The following HIP1 variants were observed in gnomAD, a reference collection of about 807,000 sequenced individuals.
The protein encoded by HIP1 is huntingtin interacting protein 1, also known as huntingtin-interacting protein 1.
Under a neutral mutation model 147.6 loss-of-function variants are expected in HIP1, and 65 were observed. The observed-to-expected ratio is 0.44, with a 90% CI of 0.36 to 0.54. The LOEUF is 0.54. Among genes scored for constraint, HIP1 ranks in the 20% least tolerant of loss-of-function variants. The pLI, the probability that HIP1 is intolerant of heterozygous loss-of-function variation, is 0.00. For synonymous variants in HIP1, 479 were observed against 504.0 expected (o/e 0.95, Z 0.67); for missense variants, 1,061 against 1,299.6 (o/e 0.82, Z 2.82).
At position 75,664,017 on chromosome 7, in the gene HIP1, CACATATAT is replaced by C. The variant is rs1799424130; in HGVS notation, c.121-64778_121-64771del. On this transcript the variant is annotated intron_variant, in intron 1 of 30. Transcript: ENST00000336926. ...ATACACATATATGTGTATATATATA[CACATATAT>C]GTGTATATATATACACATATATGTG... Among the ~76,000 whole-genome samples the C allele has an allele frequency of 7.0e-5, 5 of 71,502 alleles. 2 individuals carry two copies. Among genetic ancestry groups the C allele is most frequent in the African/African-American group, 1.7e-4 (3 of 17,938 alleles). The allele number at this position is 71,502 out of a possible 152,430, so 46.9% of individuals were successfully genotyped here. A position where few individuals can be genotyped will look rare whatever the true frequency, so the allele number is the denominator to read the frequency against.
intron 21 of HIP1, among the ~76,000 whole-genome samples, 157 bp from the exon 22 acceptor site, chr7:75,553,746 C>T (rs982307982): frequency 3.3e-5 from 5 of 152,180 alleles, no homozygotes; most frequent in African/African-American, 9.7e-5. Flanking sequence ...GCTGGGATTA[C>T]GGGTGCGCCA....
chr7:75,588,498 G>C (rs970574290), intron 4 of HIP1, among the ~76,000 whole-genome samples: 3 of 152,152 alleles, frequency 2.0e-5, no homozygotes, highest in Non-Finnish European at 4.4e-5. Flanking sequence ...AGGAGAAGCA[G>C]GGCCAGACAC....
rs1801250807 is a variant in HIP1 at position 75,714,314 on chromosome 7, C to T, written c.120+24487G>A. Among the ~76,000 whole-genome samples the T allele has an allele frequency of 2.0e-5, 3 of 152,134 alleles. No individual in the cohort carries two copies. The South Asian group carries it at 6.2e-4, about 31-fold the overall frequency. ...CTTGGCTCCCAAAGTGCTGGGATGA[C>T]AGGCGTGAGCCGCCGCGCCTGGCCT... On this transcript the variant is annotated intron_variant, in intron 1 of 30. Coordinates refer to ENST00000336926, the MANE Select transcript of HIP1 (RefSeq NM_005338.7).
At chr7:75,658,353 G>T (rs1211613337) in intron 1 of HIP1, among the ~76,000 whole-genome samples, 1 of 152,186 alleles carries the variant, frequency 6.6e-6, no homozygotes, top group Admixed American at 6.5e-5. Context: ...GCCTCCCAAA[G>T]TGTTGGGATT....
Position 75,640,195 on chromosome 7 carries a change from C to A in HIP1, c.121-40948G>T, listed in dbSNP as rs977536363. ...TATAGTTTCAACACAGTCTGTCCCC[C>A]CAAAATCAGATGGCAGTAAAGTTTT... On this transcript the variant is annotated intron_variant, in intron 1 of 30. Coordinates refer to ENST00000336926, the MANE Select transcript of HIP1 (RefSeq NM_005338.7). Among the ~76,000 whole-genome samples the A allele has an allele frequency of 7.2e-5, 11 of 152,200 alleles. No individual in the cohort carries two copies. The East Asian group carries it at 1.9e-3, about 27-fold the overall frequency.
intron 1 of HIP1, among the ~76,000 whole-genome samples, chr7:75,706,167 T>C (rs563437485): frequency 1.3e-5 from 2 of 152,290 alleles, no homozygotes; most frequent in African/African-American, 4.8e-5. Flanking sequence ...AGTGCTGGGA[T>C]TACAGGAGTA....
At chr7:75,656,563 TG>T (rs1308718274) in intron 1 of HIP1, among the ~76,000 whole-genome samples, 3 of 152,080 alleles carry the variant, frequency 2.0e-5, no homozygotes, top group African/African-American at 7.2e-5. Context: ...CCGCAACCTC[TG>T]CCTCCTGGGT....
chr7:75,595,254 TC>T (rs1563230415), intron 2 of HIP1, among the ~76,000 whole-genome samples: 8 of 89,588 alleles, frequency 8.9e-5, no homozygotes, highest in African/African-American at 2.4e-4. Context: ...CTTTCTTTCT[TC>T]CTTCCTTCCT....
rs794354 is a variant in HIP1, at chr7:75,569,719, A to C, written c.746-1463T>G. Among the ~76,000 whole-genome samples, 19 of 152,336 alleles carry C rather than the reference A, an allele frequency of 1.2e-4. No homozygotes were observed. The East Asian group carries it at 3.7e-3, about 29-fold the overall frequency. On this transcript the variant is annotated intron_variant, in intron 8 of 30. Coordinates refer to ENST00000336926, the MANE Select transcript of HIP1 (RefSeq NM_005338.7). ...AAGAACCCTTAACCCCAGTTAAATC[A>C]GGAGAAAAACATCAGGCAAACAGAA...
At chr7:75,564,355 C>T (rs782315357) in intron 9 of HIP1, among the ~76,000 whole-genome samples, 11 of 151,642 alleles carry the variant, frequency 7.3e-5, no homozygotes, top group South Asian at 6.3e-4. Context: ...AGTGCAATGG[C>T]GCGATCTCGG....
chr7:75,567,123 C>CA (rs1158811833), intron 9 of HIP1, among the ~76,000 whole-genome samples: 1 of 148,946 alleles, frequency 6.7e-6, no homozygotes, highest in Admixed American at 6.7e-5. Flanking sequence ...AAAACAAAAA[C>CA]AAAAACAAAC....
intron 1 of HIP1, among the ~76,000 whole-genome samples, chr7:75,621,586 C>T (rs587737740): frequency 2.6e-5 from 4 of 152,198 alleles, no homozygotes; most frequent in Admixed American, 6.5e-5. Flanking sequence ...AGCGGTAAAA[C>T]GATCTGATTC....
At chr7:75,657,125 C>A (rs1407446773) in intron 1 of HIP1, among the ~76,000 whole-genome samples, 1 of 152,198 alleles carries the variant, frequency 6.6e-6, no homozygotes, top group East Asian at 1.9e-4. Flanking sequence ...ATGTTTATTG[C>A]AGCACCATTT....
chr7:75,573,127 A>G (rs1245735175), intron 8 of HIP1, among the ~76,000 whole-genome samples: 7 of 152,190 alleles, frequency 4.6e-5, no homozygotes, highest in Non-Finnish European at 8.8e-5. Flanking sequence ...CCATGGACCA[A>G]TCGTGGTGCA....
intron 22 of HIP1, 87 bp from the exon 23 acceptor site, chr7:75,549,088 G>T: frequency 1.0e-6 from 1 of 953,200 alleles, no homozygotes; most frequent in Middle Eastern, 2.3e-4. Context: ...AGATGGCAAG[G>T]CAGGAGGCCA....
At chr7:75,690,655 G>T (rs1322700923) in intron 1 of HIP1, among the ~76,000 whole-genome samples, 1 of 152,028 alleles carries the variant, frequency 6.6e-6, no homozygotes, top group East Asian at 1.9e-4. Context: ...CTGAGGTCAG[G>T]AGTTGGAGAC....
In HIP1 at chr7:75,679,293, C is replaced by T. The variant is rs545605597; in HGVS notation, c.120+59508G>A. On this transcript the variant is annotated intron_variant, in intron 1 of 30. Coordinates refer to ENST00000336926, the MANE Select transcript of HIP1 (RefSeq NM_005338.7). Reference sequence around the variant, plus strand: ...GATCACAGCTCACTGCAGCCTTGACCTCCTGGCTCCAGTGATCCTTCCACC... The same window carrying T: ...GATCACAGCTCACTGCAGCCTTGACTTCCTGGCTCCAGTGATCCTTCCACC... 2.6e-5 allele frequency among the ~76,000 whole-genome samples: 4 copies of T among 152,348 alleles called. No homozygotes were observed. In the East Asian group the frequency reaches 7.7e-4, roughly 29 times the overall value.
intron 1 of HIP1, among the ~76,000 whole-genome samples, chr7:75,725,043 A>G (rs567388283): frequency 1.3e-5 from 2 of 152,074 alleles, no homozygotes; most frequent in Admixed American, 6.5e-5. Context: ...GGTTGTTTTT[A>G]GGGGCAGAGT....
At chr7:75,677,495 A>C (rs1368948116) in intron 1 of HIP1, among the ~76,000 whole-genome samples, 1 of 148,984 alleles carries the variant, frequency 6.7e-6, no homozygotes, top group East Asian at 2.0e-4. Flanking sequence ...AATCCCAGCT[A>C]CTCAGGAGGT....
Sources: allele counts gnomAD v4.1 joint callset (sites outside exome capture counted in the v4.1 genomes callset), GRCh38; gene constraint gnomAD v4.1.1; transcripts MANE v1.5; gene names NCBI Gene and HGNC (gene_info 2026-07-23, HGNC 2026-07-21).